PPFIBP2: variants seen among roughly 807,000 people sequenced by gnomAD.
PPFIBP2 encodes liprin-beta-2.
In PPFIBP2, 118 loss-of-function variants were observed where a neutral mutation model predicts 118.3. The ratio of observed to expected loss-of-function variants is 1.00; its 90% confidence interval spans 0.86 to 1.16. The LOEUF (loss-of-function observed/expected upper bound fraction) is 1.16. Among genes scored for constraint, PPFIBP2 ranks in the 50% most tolerant of loss-of-function variants. The pLI, the probability that PPFIBP2 is intolerant of heterozygous loss-of-function variation, is 0.00. For missense variants in PPFIBP2, 1,195 were observed against 1,073.1 expected (o/e 1.11, Z -1.59); for synonymous variants, 414 against 397.4 (o/e 1.04, Z -0.50).
the PPFIBP2 span, chr11:7,665,870 G>C: frequency 2.0e-6 from 3 of 1,535,986 alleles, no homozygotes; most frequent in Non-Finnish European, 2.6e-6. Context: ...TGTCCGGCAG[G>C]GTGTGGCCTG....
downstream of PPFIBP2, among the ~76,000 whole-genome samples, chr11:7,657,382 C>T (rs1018697430): frequency 6.6e-6 from 1 of 152,092 alleles, no homozygotes; most frequent in African/African-American, 2.4e-5. Context: ...CTCTATCTCC[C>T]GTCATCTGCA....
chr11:7,641,796 G>A, intron 16 of PPFIBP2, 176 bp downstream of exon 16: 2 of 686,216 alleles, frequency 2.9e-6, no homozygotes, highest in Non-Finnish European at 2.4e-6. Flanking sequence ...GGAGAAGTAT[G>A]AAAGACACCC....
At chr11:7,648,616 C>A in intron 18 of PPFIBP2, 79 bp downstream of exon 18, 1 of 1,558,574 alleles carries the variant, frequency 6.4e-7, no homozygotes, top group South Asian at 1.1e-5. Context: ...ACTCCTGTCA[C>A]ACATACACAC....
At chr11:7,579,522 C>T (rs1751382098) in intron 3 of PPFIBP2, among the ~76,000 whole-genome samples, 1 of 152,116 alleles carries the variant, frequency 6.6e-6, no homozygotes, top group South Asian at 2.1e-4. Context: ...TCCTTCTTTC[C>T]CTGTATCCCA....
chr11:7,540,820 T>C (rs758654128), intron 1 of PPFIBP2, among the ~76,000 whole-genome samples: 9 of 152,180 alleles, frequency 5.9e-5, no homozygotes, highest in Non-Finnish European at 1.3e-4. Context: ...TAAGTATGAT[T>C]ACCTGGAAGA....
At chr11:7,633,575 G>A (rs1167829279) in intron 12 of PPFIBP2, among the ~76,000 whole-genome samples, 1 of 152,138 alleles carries the variant, frequency 6.6e-6, no homozygotes, top group African/African-American at 2.4e-5. Context: ...TTCAGCTAAG[G>A]TGTTGGGGCA....
intron 1 of PPFIBP2, among the ~76,000 whole-genome samples, chr11:7,520,745 A>G (rs1849685812): frequency 6.6e-6 from 1 of 151,904 alleles, no homozygotes; most frequent in Non-Finnish European, 1.5e-5. Context: ...CTGAGTCACT[A>G]TTTTCCCTGC....
the PPFIBP2 span, chr11:7,666,380 C>T: frequency 6.1e-6 from 6 of 976,422 alleles, no homozygotes; most frequent in African/African-American, 4.9e-5. Flanking sequence ...AACAAAGAGA[C>T]AGAGACCAGT....
At chr11:7,660,055 C>T (rs1374780501), downstream of PPFIBP2, among the ~76,000 whole-genome samples, 1 of 124,202 alleles carries the variant, frequency 8.1e-6, no homozygotes, top group Non-Finnish European at 1.9e-5. Flanking sequence ...TGGGCTGAGA[C>T]AATGGGGTTT....
At chr11:7,597,835 A>G (rs1443811769) in intron 5 of PPFIBP2, 162 bp downstream of exon 5, 9 of 605,342 alleles carry the variant, frequency 1.5e-5, no homozygotes, top group Non-Finnish European at 2.3e-5. Context: ...GGTGAAACCA[A>G]CCTGAACGTT....
intron 12 of PPFIBP2, 58 bp downstream of exon 12, chr11:7,632,992 G>A: frequency 6.7e-7 from 1 of 1,491,578 alleles, no homozygotes; most frequent in Non-Finnish European, 9.3e-7. Context: ...CCTTGGGGCT[G>A]CCGAAGTAGA....
At chr11:7,630,106 C>CTTCA in intron 10 of PPFIBP2, among the ~76,000 whole-genome samples, 1 of 152,304 alleles carries the variant, frequency 6.6e-6, no homozygotes, top group South Asian at 2.1e-4. Context: ...GCCGGGCTGC[C>CTTCA]TTCATTGTTC....
chr11:7,597,157 A>G (rs188468093), intron 4 of PPFIBP2: 59 of 1,446,636 alleles, frequency 4.1e-5, no homozygotes, highest in African/African-American at 2.7e-4. Context: ...GTTAGTTTCC[A>G]TGAAGTTTGG....
At chr11:7,580,879 G>T (rs991461200) in intron 3 of PPFIBP2, among the ~76,000 whole-genome samples, 4 of 152,216 alleles carry the variant, frequency 2.6e-5, no homozygotes, top group African/African-American at 7.2e-5. Context: ...CAGGAAGGGA[G>T]AAGTTGAAAG....
chr11:7,593,346 T>C, intron 4 of PPFIBP2, 122 bp downstream of exon 4: 1 of 1,377,256 alleles, frequency 7.3e-7, no homozygotes, highest in Non-Finnish European at 9.7e-7. Flanking sequence ...AATGCCTATG[T>C]TTTTAGAAAA....
chr11:7,663,459 C>T, the PPFIBP2 span, among the ~76,000 whole-genome samples: 2 of 152,108 alleles, frequency 1.3e-5, no homozygotes, highest in South Asian at 2.1e-4. Context: ...TTAGGCTGCT[C>T]AGGGGTCAGT....
intron 6 of PPFIBP2, among the ~76,000 whole-genome samples, chr11:7,617,529 T>C (rs1848805892): frequency 6.6e-6 from 1 of 152,100 alleles, no homozygotes; most frequent in African/African-American, 2.4e-5. Context: ...GGCACTCATC[T>C]CCTTTAGGGC....
intron 4 of PPFIBP2, among the ~76,000 whole-genome samples, chr11:7,594,119 G>C (rs1281373854): frequency 6.6e-6 from 1 of 152,084 alleles, no homozygotes; most frequent in Non-Finnish European, 1.5e-5. Flanking sequence ...AAGGTTATGA[G>C]GTGGCAGTGT....
At chr11:7,665,994 G>T in the PPFIBP2 span, 1 of 1,297,348 alleles carries the variant, frequency 7.7e-7, no homozygotes, top group East Asian at 2.5e-5. Context: ...CCTGTGGGGT[G>T]CTCTGTGCAC....
Sources: gnomAD v4.1 joint callset for allele counts (sites outside exome capture counted in the v4.1 genomes callset) on GRCh38, gnomAD v4.1.1 for gene constraint, MANE v1.5 for transcripts, NCBI Gene and HGNC (gene_info 2026-07-23, HGNC 2026-07-21) for gene names.